MAN2B1: variants seen among roughly 807,000 people sequenced by gnomAD.
MAN2B1 encodes the protein lysosomal alpha-mannosidase.
Under a neutral mutation model 127.5 loss-of-function variants are expected in MAN2B1, and 99 were observed. The ratio of observed to expected loss-of-function variants is 0.78; its 90% CI spans 0.66 to 0.92. The LOEUF (loss-of-function observed/expected upper bound fraction) is 0.92, where lower values mean the gene tolerates loss of function less well. MAN2B1 is among the 40% of genes least tolerant of loss of function. The probability of loss-of-function intolerance (pLI) is 0.00; values close to 1 mark genes in which losing one functional copy is unlikely to be tolerated. For synonymous variants in MAN2B1, 573 were observed against 568.8 expected (o/e 1.01, Z -0.11); for missense variants, 1,304 against 1,384.8 (o/e 0.94, Z 0.93).
rs576405401 is a variant in MAN2B1, at chr19:12,663,587, C to G, written c.763+116G>C. On this transcript the variant is annotated intron_variant, in intron 5 of 23. Coordinates refer to ENST00000456935, the MANE Select transcript of MAN2B1 (RefSeq NM_000528.4). ...TCCCAATGCAAAAGGAAATGCAGGG[C>G]CTTTGTTCCCAGACTATAGGAATTC... The G allele has an allele frequency of 4.5e-4, 688 of 1,541,102 alleles. 7 individuals carry two copies. In the South Asian group the frequency reaches 5.2e-3, roughly 12 times the overall value.
rs570341449 is a variant in MAN2B1, at chr19:12,666,661, C to A, written c.41G>T (p.Gly14Val). Residue 14 changes from glycine to valine, a missense_variant, in exon 1 of 24, where the codon GGC becomes GTC. Physicochemically the swap from Gly to Val is moderately radical, Grantham distance 109. Transcript: ENST00000456935. ...YARASGVCAR[G>V]CLDSAGPWTM... ...CCAGGGGCCTGCTGAGTCCAGGCAG[C>A]CGCGAGCGCAGACCCCCGAAGCCCG... 7 of 1,552,388 alleles carry A rather than the reference C, an allele frequency of 4.5e-6. No homozygotes were observed. Among genetic ancestry groups the A allele is most frequent in the Middle Eastern group, 1.8e-4 (1 of 5,702 alleles).
Position 12,655,208 on chromosome 19 carries a change from C to T in MAN2B1, c.1830+486G>A, listed in dbSNP as rs115590453. On this transcript the variant is annotated intron_variant, in intron 14 of 23. Transcript: ENST00000456935. ...AAAAGCCAAAGTCTTCCTGTTGGTC[C>T]TCAAGGCCCTCAAGGTCTGACCTGT... Among the ~76,000 whole-genome samples the T allele has an allele frequency of 2.9e-3, 436 of 152,296 alleles. 3 individuals are homozygous for T. Among genetic ancestry groups the T allele is most frequent in the African/African-American group, 8.3e-3 (345 of 41,584 alleles).
rs2023857979 is a variant in MAN2B1 at position 12,652,347 on chromosome 19, G to A, written c.1928+16C>T. ...GCACCACCACCCCACCCTCAGGCCT[G>A]GTGATCTTCCCTTACCAGAAGAAGG... On this transcript the variant is annotated intron_variant, in intron 15 of 23. Coordinates refer to ENST00000456935, the MANE Select transcript of MAN2B1 (RefSeq NM_000528.4). 1 of 1,612,374 alleles carries A rather than the reference G, an allele frequency of 6.2e-7. No homozygotes were observed. Among genetic ancestry groups the A allele is most frequent in the South Asian group, 1.1e-5 (1 of 91,034 alleles).
chr19:12,664,496 C>A (rs1042254000), intron 4 of MAN2B1, among the ~76,000 whole-genome samples: 38 of 152,118 alleles, frequency 2.5e-4, no homozygotes, highest in African/African-American at 9.2e-4. Flanking sequence ...ACTTGCCACC[C>A]GGTTTAGGGA....
At position 12,647,601 on chromosome 19, in the gene MAN2B1, G is replaced by A; in HGVS notation, c.2665-3C>T. The A allele has an allele frequency of 1.2e-6, 2 of 1,611,248 alleles. No individual in the cohort carries two copies. Among genetic ancestry groups the A allele is most frequent in the Non-Finnish European group, 1.7e-6 (2 of 1,178,148 alleles). On this transcript the variant is annotated splice_polypyrimidine_tract_variant and splice_region_variant and intron_variant, in intron 21 of 23. Coordinates refer to ENST00000456935, the MANE Select transcript of MAN2B1 (RefSeq NM_000528.4). This position sits in a 1 kb window ranked among gnomAD's most constrained non-coding sequence, Gnocchi z 4.9. ...AGGTCCCTGCGCAGCCCTGAGAACT[G>A]CGGGAGAGAGGGCGGGGCTGAGTTG...
chr19:12,661,310 T>C lies in MAN2B1; in HGVS notation c.976A>G (p.Asn326Asp), dbSNP rs773274527. 7.4e-6 allele frequency: 12 copies of C among 1,614,120 alleles called. No individual in the cohort carries two copies. The highest frequency in any genetic ancestry group is 1.0e-5 in the Non-Finnish European group (12 of 1,179,944). Residue 326 changes from asparagine to aspartate, a missense_variant, in exon 7 of 24, where the codon AAC becomes GAC. Physicochemically the swap from Asn to Asp is conservative, Grantham distance 23. Coordinates refer to ENST00000456935, the MANE Select transcript of MAN2B1 (RefSeq NM_000528.4). ...MGSDFQYENA[N>D]MWFKNLDKLI... ...TTGTCAAGGTTCTTGAACCACATGT[T>C]GGCATTCTCATATTGGAAGTCCGAG...
At chr19:12,651,652 T>C (rs1384181245) in intron 16 of MAN2B1, among the ~76,000 whole-genome samples, 1 of 152,218 alleles carries the variant, frequency 6.6e-6, no homozygotes, top group African/African-American at 2.4e-5. Flanking sequence ...AGTTTTGTCA[T>C]CTATGAAAGT....
At chr19:12,664,299 G>A (rs2024175728) in intron 4 of MAN2B1, among the ~76,000 whole-genome samples, 1 of 152,240 alleles carries the variant, frequency 6.6e-6, no homozygotes, top group South Asian at 2.1e-4. Flanking sequence ...GGAAGTTTCA[G>A]AACTCACCAC....
chr19:12,650,195 T>A lies in MAN2B1; in HGVS notation c.2074A>T (p.Asn692Tyr). The change falls in exon 17 of 24, where the codon AAC becomes TAC. Residue 692 changes from asparagine to tyrosine, a missense_variant. Transcript: ENST00000456935. ...KTPLVQEVHQ[N>Y]FSAWCSQVVR... is the part of the protein sequence containing the mutation. The stretch of plus-strand genomic sequence containing the variant: ...ACCTGGGAACACCAAGCTGAGAAGT[T>A]CTGGTGCACCTCCTGCACCAAGGGT... 6.2e-7 allele frequency: 1 copy of A among 1,613,784 alleles called. No homozygotes were observed. Among genetic ancestry groups the A allele is most frequent in the Non-Finnish European group, 8.5e-7 (1 of 1,179,936 alleles).
intron 16 of MAN2B1, among the ~76,000 whole-genome samples, chr19:12,650,693 A>G (rs2023824988): frequency 1.5e-5 from 2 of 136,296 alleles, no homozygotes; most frequent in African/African-American, 5.5e-5. Flanking sequence ...TTTTTGAGAC[A>G]GAGTTTTGCT....
At position 12,656,394 on chromosome 19, in the gene MAN2B1, C is replaced by A. The variant is rs2023958570; in HGVS notation, c.1644+177G>T. 3 of 594,236 alleles carry A rather than the reference C, an allele frequency of 5.0e-6. No homozygotes were observed. The Admixed American group carries it at 8.8e-5, about 17-fold the overall frequency. 36.8% of individuals were successfully genotyped at this position (594,236 alleles called of 1,614,324 possible). ...AAAAGGGAGGACCACTCACAGGAGG[C>A]ATATGTTCCCAAGGGGAGACTGATA... On this transcript the variant is annotated intron_variant, in intron 13 of 23. Coordinates refer to ENST00000456935, the MANE Select transcript of MAN2B1 (RefSeq NM_000528.4).
At chr19:12,661,760 G>A (rs552755217) in intron 6 of MAN2B1, among the ~76,000 whole-genome samples, 28 of 152,026 alleles carry the variant, frequency 1.8e-4, no homozygotes, top group African/African-American at 6.8e-4. Context: ...GACTGAGGCA[G>A]GAGGATCGCT....
At chr19:12,656,741 C>A (rs2023970813) in intron 12 of MAN2B1, 54 bp from the exon 13 acceptor site, 10 of 1,358,362 alleles carry the variant, frequency 7.4e-6, no homozygotes, top group Non-Finnish European at 1.1e-5. Context: ...TTCTCCAAAC[C>A]CACCCACTTT....
At position 12,648,259 on chromosome 19, in the gene MAN2B1, C is replaced by T; in HGVS notation, c.2580G>A (p.Ala860=). ...CCTGAGGGGCCAGGACCTCCTGCTCCGCCAGGAGCCGGTGTCCGGCGGCTG... is the reference window on the plus strand; with the variant it reads ...CCTGAGGGGCCAGGACCTCCTGCTCTGCCAGGAGCCGGTGTCCGGCGGCTG... ...QAAAAGHRLL[A]EQEVLAPQVV... The change falls in exon 21 of 24, where the codon GCG becomes GCA. Residue 860 remains alanine, a synonymous_variant. Transcript: ENST00000456935. 1 of 1,604,302 alleles carries T rather than the reference C, an allele frequency of 6.2e-7. No individual in the cohort carries two copies. The highest frequency in any genetic ancestry group is 8.5e-7 in the Non-Finnish European group (1 of 1,177,782).
chr19:12,652,062 C>T (rs1390038447), intron 16 of MAN2B1, 91 bp downstream of exon 16: 3 of 959,128 alleles, frequency 3.1e-6, no homozygotes, highest in East Asian at 4.8e-5. Flanking sequence ...TAAATCCTCC[C>T]CTACCCTCAC....
intron 13 of MAN2B1, chr19:12,656,294 T>C (rs2023954510): frequency 6.3e-6 from 3 of 479,012 alleles, no homozygotes; most frequent in Admixed American, 3.6e-5. Flanking sequence ...CAGGCGGAGT[T>C]TGAAGTGAGC....
At chr19:12,650,355 T>TTA in intron 16 of MAN2B1, 133 bp from the exon 17 acceptor site, 1 of 629,190 alleles carries the variant, frequency 1.6e-6, no homozygotes, top group Non-Finnish European at 2.8e-6. Context: ...CGCCACATAA[T>TTA]TCTTTTTTTT....
Position 12,662,947 on chromosome 19 carries a change from A to AAT in MAN2B1, c.909+369_909+370insAT, listed in dbSNP as rs1217330647. On this transcript the variant is annotated intron_variant, in intron 6 of 23. Coordinates refer to ENST00000456935, the MANE Select transcript of MAN2B1 (RefSeq NM_000528.4). ...AGCAAGACTCTGTCTCAAAAAAAAAAAAATAATAATAAATAAATAAAAATG... is the reference window on the plus strand; with the variant it reads ...AGCAAGACTCTGTCTCAAAAAAAAAAATAAATAATAATAAATAAATAAAAATG... Among the ~76,000 whole-genome samples, 131 of 150,304 alleles carry AAT rather than the reference A, an allele frequency of 8.7e-4. 1 individual carries two copies. Among genetic ancestry groups the AAT allele is most frequent in the African/African-American group, 3.1e-3 (125 of 40,830 alleles).
intron 6 of MAN2B1, among the ~76,000 whole-genome samples, chr19:12,663,096 G>T (rs1420600811): frequency 6.6e-6 from 1 of 151,266 alleles, no homozygotes; most frequent in Non-Finnish European, 1.5e-5. Flanking sequence ...TGAGACCCCA[G>T]TGCAAAAATA....
Sources: allele counts gnomAD v4.1 joint callset (sites outside exome capture counted in the v4.1 genomes callset), GRCh38; gene constraint gnomAD v4.1.1; non-coding constraint Gnocchi (gnomAD v3.1); transcripts MANE v1.5; gene names NCBI Gene and HGNC (gene_info 2026-07-23, HGNC 2026-07-21).